The following EXOC6B variants were observed in gnomAD, a reference collection of about 807,000 sequenced individuals.
EXOC6B encodes SEC15 homolog B.
EXOC6B carries 54 observed loss-of-function variants against 113.5 expected under a neutral mutation model. The observed-to-expected ratio is 0.48, with a 90% CI of 0.38 to 0.60. EXOC6B has a LOEUF of 0.60. Among genes scored for constraint, EXOC6B ranks in the 20% least tolerant of loss-of-function variants. EXOC6B has a pLI of 0.00. For missense variants in EXOC6B, 797 were observed against 977.5 expected (o/e 0.82, Z 2.46); for synonymous variants, 357 against 339.0 (o/e 1.05, Z -0.58).
intron 19 of EXOC6B, among the ~76,000 whole-genome samples, chr2:72,378,735 G>A (rs1691504500): frequency 6.6e-6 from 1 of 152,064 alleles, no homozygotes; most frequent in African/African-American, 2.4e-5. Flanking sequence ...GGTGTGAGCA[G>A]ACTCGTGTAA....
chr2:72,686,886 C>A (rs1677126193), intron 6 of EXOC6B, among the ~76,000 whole-genome samples: 1 of 152,104 alleles, frequency 6.6e-6, no homozygotes, highest in South Asian at 2.1e-4. Flanking sequence ...TGTCTGTAAT[C>A]CCAGCACTTT....
At chr2:72,556,134 C>T (rs1283799024) in intron 8 of EXOC6B, among the ~76,000 whole-genome samples, 1 of 152,182 alleles carries the variant, frequency 6.6e-6, no homozygotes, top group Non-Finnish European at 1.5e-5. Context: ...AAGGTCGAGG[C>T]AACAGATTTT....
At chr2:72,783,895 A>G (rs969125374) in intron 1 of EXOC6B, among the ~76,000 whole-genome samples, 3 of 152,028 alleles carry the variant, frequency 2.0e-5, no homozygotes, top group African/African-American at 7.2e-5. Flanking sequence ...GTGCTTTGAG[A>G]TCTTAGCCAT....
At chr2:72,266,580 T>A (rs546150522) in intron 20 of EXOC6B, among the ~76,000 whole-genome samples, 8 of 152,062 alleles carry the variant, frequency 5.3e-5, no homozygotes, top group African/African-American at 1.4e-4. Context: ...TGCGGTGTTA[T>A]TTCTGAGGGC....
intron 6 of EXOC6B, among the ~76,000 whole-genome samples, chr2:72,584,141 C>G (rs2103883952): frequency 6.6e-6 from 1 of 152,096 alleles, no homozygotes; most frequent in South Asian, 2.1e-4. Context: ...ACAAAGCAAC[C>G]AGCTAACAAT....
At chr2:72,605,852 GTA>G (rs1670721426) in intron 6 of EXOC6B, among the ~76,000 whole-genome samples, 2 of 151,912 alleles carry the variant, frequency 1.3e-5, no homozygotes, top group South Asian at 2.1e-4. Flanking sequence ...TGAATTAATT[GTA>G]TAGTCTCATA....
chr2:72,720,120 G>A lies in EXOC6B; in HGVS notation c.465-1813C>T, dbSNP rs148972641. Among the ~76,000 whole-genome samples the A allele has an allele frequency of 4.8e-3, 722 of 151,834 alleles. 8 individuals are homozygous for A. Among genetic ancestry groups the A allele is most frequent in the African/African-American group, 0.016 (671 of 41,412 alleles). ...GATAAGATGCATATTATAATCCATA[G>A]AACAACCTCTAAAAAACCAAAAATA... On this transcript the variant is annotated intron_variant, in intron 5 of 21. Coordinates refer to ENST00000272427, the MANE Select transcript of EXOC6B (RefSeq NM_015189.3).
At chr2:72,677,221 T>G (rs964098746) in intron 6 of EXOC6B, among the ~76,000 whole-genome samples, 1 of 152,014 alleles carries the variant, frequency 6.6e-6, no homozygotes, top group African/African-American at 2.4e-5. Flanking sequence ...GATGGGGGAA[T>G]GAGTGTAGGA....
chr2:72,825,748 GC>G lies in EXOC6B; in HGVS notation c.113+49del. On this transcript the variant is annotated intron_variant, in intron 1 of 21. Transcript: ENST00000272427. This position sits in a 1 kb window ranked among gnomAD's most constrained non-coding sequence, Gnocchi z 4.4. ...CCGGAGGCCCGACCCAGAGGAGCCT[GC>G]CCCGTCCCGCCCGTTCCCGCCCCTC... The G allele has an allele frequency of 1.3e-6, 2 of 1,569,794 alleles. No individual in the cohort carries two copies. The highest frequency in any genetic ancestry group is 1.7e-6 in the Non-Finnish European group (2 of 1,160,816).
intron 19 of EXOC6B, among the ~76,000 whole-genome samples, chr2:72,356,039 A>T (rs1689956953): frequency 6.6e-6 from 1 of 152,208 alleles, no homozygotes. Flanking sequence ...AATATTTTTT[A>T]ATTGAAAAGG....
At chr2:72,542,209 T>A (rs1702641934) in intron 8 of EXOC6B, among the ~76,000 whole-genome samples, 1 of 152,208 alleles carries the variant, frequency 6.6e-6, no homozygotes, top group African/African-American at 2.4e-5. Context: ...CAATTATTTA[T>A]TCAGCTCCTT....
chr2:72,788,910 G>A (rs1684525425), intron 1 of EXOC6B, among the ~76,000 whole-genome samples: 1 of 152,186 alleles, frequency 6.6e-6, no homozygotes, highest in African/African-American at 2.4e-5. Flanking sequence ...CTTTGCTTTA[G>A]TTTTCTCCTA....
At position 72,339,625 on chromosome 2, in the gene EXOC6B, C is replaced by T. The variant is rs1009596773; in HGVS notation, c.2123-4605G>A. The stretch of plus-strand genomic sequence containing the variant: ...CTCTTCCCAGCAGTTCTGCCCTGCC[C>T]CTGTCCAAGCACGCATGGTAGAAAC... On this transcript the variant is annotated intron_variant, in intron 19 of 21. Transcript: ENST00000272427. Among the ~76,000 whole-genome samples, 4 of 152,092 alleles carry T rather than the reference C, an allele frequency of 2.6e-5. No homozygotes were observed. The East Asian group carries it at 5.8e-4, about 22-fold the overall frequency.
intron 6 of EXOC6B, among the ~76,000 whole-genome samples, chr2:72,653,977 T>A (rs1262668400): frequency 7.3e-5 from 11 of 151,416 alleles, no homozygotes; most frequent in African/African-American, 2.4e-4. Flanking sequence ...TTTATTTTTT[T>A]TTTTTTTTTT....
intron 1 of EXOC6B, among the ~76,000 whole-genome samples, chr2:72,757,850 T>C (rs1193263701): frequency 6.6e-6 from 1 of 152,070 alleles, no homozygotes; most frequent in East Asian, 1.9e-4. Context: ...TTAATCATGA[T>C]ATCAAAATGG....
intron 6 of EXOC6B, among the ~76,000 whole-genome samples, chr2:72,589,535 A>AT (rs1236510258): frequency 6.6e-6 from 1 of 151,660 alleles, no homozygotes; most frequent in African/African-American, 2.4e-5. Flanking sequence ...TCCAGGAAAA[A>AT]AAAAAGTATT....
intron 18 of EXOC6B, among the ~76,000 whole-genome samples, chr2:72,441,868 C>T (rs1320138394): frequency 6.6e-6 from 1 of 152,116 alleles, no homozygotes; most frequent in Non-Finnish European, 1.5e-5. Flanking sequence ...ATTCCAAAAA[C>T]TGAAAAGGAA....
At chr2:72,673,841 T>C (rs1291607196) in intron 6 of EXOC6B, among the ~76,000 whole-genome samples, 1 of 151,670 alleles carries the variant, frequency 6.6e-6, no homozygotes, top group Non-Finnish European at 1.5e-5. Context: ...ATAATTCCTA[T>C]CACAATTATA....
intron 20 of EXOC6B, among the ~76,000 whole-genome samples, chr2:72,302,828 ATTTT>A (rs1686614119): frequency 6.6e-6 from 1 of 151,632 alleles, no homozygotes; most frequent in African/African-American, 2.4e-5. Flanking sequence ...GCCCATTTAC[ATTTT>A]TTATATGTGT....
Sources: allele counts gnomAD v4.1 joint callset (sites outside exome capture counted in the v4.1 genomes callset), GRCh38; gene constraint gnomAD v4.1.1; non-coding constraint Gnocchi (gnomAD v3.1); transcripts MANE v1.5; gene names NCBI Gene and HGNC (gene_info 2026-07-23, HGNC 2026-07-21).